The following HIVEP3 variants were observed in gnomAD, a reference collection of about 807,000 sequenced individuals.
HIVEP3 encodes the protein HIVEP zinc finger 3.
In HIVEP3, 49 loss-of-function variants were observed where a neutral mutation model predicts 152.8. The ratio of observed to expected loss-of-function variants is 0.32; its 90% CI spans 0.26 to 0.41. The LOEUF (loss-of-function observed/expected upper bound fraction) is 0.41, where lower values mean the gene tolerates loss of function less well. HIVEP3 is among the 10% of genes least tolerant of loss of function. The pLI is 1.00. For missense variants in HIVEP3, 2,790 were observed against 3,103.3 expected, an observed-to-expected ratio of 0.90 and a Z score of 2.40; for synonymous variants, 1,269 against 1,289.0, an observed-to-expected ratio of 0.98 and a Z score of 0.33.
Position 41,512,840 on chromosome 1 carries a change from G to A in HIVEP3, c.6381C>T (p.Ser2127=). ...CCCACGGGGAGGCGCAGGTCTCTGG[G>A]CTTCTGCTGAGGAGCTTGTGAGGTA... The part of the protein sequence containing the change: ...APLPHKLLSR[S]PETCASPWQK... The change falls in exon 8 of 9, where the codon AGC becomes AGT. Residue 2127 remains serine (S), a synonymous_variant. Coordinates refer to ENST00000372583, the MANE Select transcript of HIVEP3 (RefSeq NM_024503.5). 1 of 1,526,502 alleles carries A rather than the reference G, an allele frequency of 6.6e-7. No individual in the cohort carries two copies. The highest frequency in any genetic ancestry group is 2.0e-5 in the Admixed American group (1 of 49,098). The allele number at this position is 1,526,502 out of a possible 1,614,324, so 94.6% of individuals were successfully genotyped here. A position where few individuals can be genotyped will look rare whatever the true frequency, so the allele number is the denominator to read the frequency against.
At chr1:41,738,765 G>A (rs1347647617) in intron 1 of HIVEP3, among the ~76,000 whole-genome samples, 1 of 152,158 alleles carries the variant, frequency 6.6e-6, no homozygotes, top group Non-Finnish European at 1.5e-5. Context: ...GTAAAATGGG[G>A]CAGCTGTCTT....
At chr1:41,651,411 C>CAAAAA (rs35508121) in intron 2 of HIVEP3, among the ~76,000 whole-genome samples, 1 of 89,048 alleles carries the variant, frequency 1.1e-5, no homozygotes, top group Non-Finnish European at 2.2e-5. Context: ...AACTCCATCT[C>CAAAAA]AAAAAAAAAA....
chr1:41,707,917 G>A (rs541718628), intron 1 of HIVEP3, among the ~76,000 whole-genome samples: 101 of 152,380 alleles, frequency 6.6e-4, no homozygotes, highest in African/African-American at 2.4e-3. Context: ...ACCCTGGCCT[G>A]TCAGGAGTCA....
At chr1:41,636,819 C>T (rs1272697193) in intron 2 of HIVEP3, among the ~76,000 whole-genome samples, 1 of 152,106 alleles carries the variant, frequency 6.6e-6, no homozygotes. Context: ...ATTAGCCCAG[C>T]ATGGTGGCAC....
chr1:41,903,920 G>GACAGAA (rs1449967956), intron 1 of HIVEP3, among the ~76,000 whole-genome samples: 123 of 90,344 alleles, frequency 1.4e-3, no homozygotes, highest in African/African-American at 4.5e-3. Context: ...TTTTTTTTTT[G>GACAGAA]AGACAGTCTC....
chr1:41,749,030 A>C (rs1302414154), intron 1 of HIVEP3, among the ~76,000 whole-genome samples: 1 of 152,196 alleles, frequency 6.6e-6, no homozygotes. Context: ...ATCTGCCCCC[A>C]GTCAATATAC....
In HIVEP3 at chr1:41,580,947, T is replaced by C. The variant is rs751788532; in HGVS notation, c.3851A>G (p.Asp1284Gly). 2 of 1,611,600 alleles carry C rather than the reference T, an allele frequency of 1.2e-6. No homozygotes were observed. Among genetic ancestry groups the C allele is most frequent in the South Asian group, 2.2e-5 (2 of 90,490 alleles). Reference protein sequence around the residue: ...GLSPSTEYSSDIRLPPVAPPA... With the variant: ...GLSPSTEYSSGIRLPPVAPPA... ...GGGAGCCACAGGGGGTAGCCGGATG[T>C]CACTGCTGTACTCTGTGCTGGGGGA... The change falls in exon 4 of 9, where the codon GAC becomes GGC. Residue 1284 changes from aspartate to glycine, a missense_variant. Transcript: ENST00000372583.
At position 41,889,063 on chromosome 1, in the gene HIVEP3, TACACCACAC is replaced by T. The variant is rs756439120; in HGVS notation, c.-801+29341_-801+29349del. On this transcript the variant is annotated intron_variant, in intron 1 of 8. Transcript: ENST00000372583. ...ACACACACACACACCACACAACACA[TACACCACAC>T]ACACCACACATACGCCACATACCTC... 4.3e-5 allele frequency among the ~76,000 whole-genome samples: 5 copies of T among 115,954 alleles called. No individual in the cohort carries two copies. In the East Asian group the frequency reaches 8.3e-4, roughly 19 times the overall value. The allele number at this position is 115,954 out of a possible 152,430, so 76.1% of individuals were successfully genotyped here.
chr1:41,761,323 T>C (rs1037129475), intron 1 of HIVEP3, among the ~76,000 whole-genome samples: 1 of 152,190 alleles, frequency 6.6e-6, no homozygotes, highest in African/African-American at 2.4e-5. Flanking sequence ...GTTGTGTATG[T>C]GTATGCATGT....
intron 5 of HIVEP3, among the ~76,000 whole-genome samples, chr1:41,544,613 C>T (rs1397328036): frequency 1.3e-5 from 2 of 149,754 alleles, no homozygotes; most frequent in Admixed American, 6.6e-5. Flanking sequence ...CCACCATCAC[C>T]GCCACCACTA....
At chr1:41,970,891 G>A (rs1283379113) in intron 1 of HIVEP3, among the ~76,000 whole-genome samples, 1 of 152,140 alleles carries the variant, frequency 6.6e-6, no homozygotes, top group African/African-American at 2.4e-5. Flanking sequence ...GGCAAGACAG[G>A]ATCCTTGCCC....
intron 5 of HIVEP3, among the ~76,000 whole-genome samples, chr1:41,560,229 A>T (rs937054117): frequency 6.6e-6 from 1 of 152,234 alleles, no homozygotes; most frequent in African/African-American, 2.4e-5. Context: ...CACTATGATT[A>T]TTCTCATTTT....
At position 41,510,648 on chromosome 1, in the gene HIVEP3, C is replaced by T. The variant is rs747485578; in HGVS notation, c.7024G>A (p.Glu2342Lys). 60 of 1,537,064 alleles carry T rather than the reference C, an allele frequency of 3.9e-5. No individual in the cohort carries two copies. The highest frequency in any genetic ancestry group is 7.9e-5 in the Admixed American group (4 of 50,452). Residue 2342 changes from glutamate (E) to lysine (K), a missense_variant, in exon 9 of 9, where the codon GAG becomes AAG. This residue lies in a region of HIVEP3 where 816 missense variants were observed against 806.5 expected (regional missense o/e 1.01). Transcript: ENST00000372583. ...LESPRAPTNP[E>K]PSATPPLDRS... is the part of the protein sequence containing the mutation. ...TCCAGCGGCGGGGTGGCAGAAGGCT[C>T]GGGGTTGGTCGGTGCACGCGGGGAC...
intron 1 of HIVEP3, among the ~76,000 whole-genome samples, chr1:41,810,318 G>A (rs751533538): frequency 6.6e-6 from 1 of 152,186 alleles, no homozygotes; most frequent in Non-Finnish European, 1.5e-5. Context: ...GAAGAAGTGC[G>A]ATCAACCACT....
chr1:41,958,152 A>G (rs1282924924), intron 1 of HIVEP3, among the ~76,000 whole-genome samples: 2 of 152,222 alleles, frequency 1.3e-5, no homozygotes, highest in Non-Finnish European at 2.9e-5. Context: ...CCAGGGCAAG[A>G]AAGAGCTGCG....
intron 1 of HIVEP3, among the ~76,000 whole-genome samples, chr1:41,906,541 C>T (rs980252636): frequency 1.3e-5 from 2 of 151,986 alleles, no homozygotes; most frequent in Admixed American, 6.6e-5. Flanking sequence ...GTAGGAGGGA[C>T]GAACTAAGTG....
intron 1 of HIVEP3, among the ~76,000 whole-genome samples, chr1:41,842,331 C>T (rs1643311304): frequency 6.6e-6 from 1 of 152,086 alleles, no homozygotes; most frequent in Non-Finnish European, 1.5e-5. Flanking sequence ...GCCTGAATCC[C>T]CCATTGGCAC....
At chr1:41,654,312 A>T (rs1478232312) in intron 2 of HIVEP3, among the ~76,000 whole-genome samples, 1 of 149,746 alleles carries the variant, frequency 6.7e-6, no homozygotes, top group Non-Finnish European at 1.5e-5. Context: ...CTGGTTTATA[A>T]TTTTGCTCCT....
intron 1 of HIVEP3, among the ~76,000 whole-genome samples, chr1:41,966,987 A>G (rs972102932): frequency 6.6e-6 from 1 of 152,192 alleles, no homozygotes; most frequent in African/African-American, 2.4e-5. Flanking sequence ...GTTCAATTCT[A>G]TAAAAAGAGA....
Sources: allele counts gnomAD v4.1 joint callset (sites outside exome capture counted in the v4.1 genomes callset), GRCh38; gene constraint gnomAD v4.1.1; regional missense constraint gnomAD v4.1.1; transcripts MANE v1.5; gene names NCBI Gene and HGNC (gene_info 2026-07-23, HGNC 2026-07-21).